Variants in PLEKHG1 observed in about 807,000 individuals in gnomAD.
PLEKHG1 encodes pleckstrin homology and RhoGEF domain containing G1, also known as pleckstrin homology domain-containing family G member 1.
PLEKHG1 carries 44 observed loss-of-function variants against 100.8 expected under a neutral mutation model. The observed-to-expected ratio is 0.44, with a 90% CI of 0.34 to 0.56. PLEKHG1 has a LOEUF of 0.56. Ranked by LOEUF, PLEKHG1 falls within the 20% of genes least tolerant of loss-of-function variation. The probability of loss-of-function intolerance (pLI) is 0.01; values close to 1 mark genes in which losing one functional copy is unlikely to be tolerated. For missense variants in PLEKHG1, 1,545 were observed against 1,720.9 expected, an observed-to-expected ratio of 0.90 and a Z score of 1.81; for synonymous variants, 640 against 662.5, an observed-to-expected ratio of 0.97 and a Z score of 0.52.
chr6:150,728,111 C>A (rs967103224), intron 1 of PLEKHG1, among the ~76,000 whole-genome samples: 3 of 152,106 alleles, frequency 2.0e-5, no homozygotes, highest in Admixed American at 6.6e-5. Context: ...GAGTAAAAAA[C>A]AAAAATGCAA....
At chr6:150,613,927 T>G (rs1776955389) in intron 1 of PLEKHG1, among the ~76,000 whole-genome samples, 1 of 152,202 alleles carries the variant, frequency 6.6e-6, no homozygotes, top group African/African-American at 2.4e-5. Context: ...TACCACACAA[T>G]TAACACCTCT....
rs1445340166 is a variant in PLEKHG1 at position 150,800,884 on chromosome 6, G to T, written c.780+15G>T. On this transcript the variant is annotated intron_variant, in intron 6 of 15. Transcript: ENST00000358517. ...TCCTTCTGCATGTAAGTTTCTGCCT[G>T]GCATGAGCACTTTCCAGGGGATGGG... 1 of 1,611,858 alleles carries T rather than the reference G, an allele frequency of 6.2e-7. No individual in the cohort carries two copies. The highest frequency in any genetic ancestry group is 2.2e-5 in the East Asian group (1 of 44,862).
chr6:150,710,724 T>C (rs79461920), intron 3 of PLEKHG1, among the ~76,000 whole-genome samples: 111 of 152,250 alleles, frequency 7.3e-4, no homozygotes, highest in African/African-American at 2.6e-3. Flanking sequence ...TCTCTGCGGA[T>C]ATAATGCCAG....
At chr6:150,801,437 C>CTT (rs35282307) in intron 6 of PLEKHG1, among the ~76,000 whole-genome samples, 13 of 108,786 alleles carry the variant, frequency 1.2e-4, no homozygotes, top group East Asian at 1.0e-3. Flanking sequence ...CTTTTCTTTT[C>CTT]TTTTTTTTTT....
At chr6:150,654,328 T>C (rs1778876000) in intron 3 of PLEKHG1, among the ~76,000 whole-genome samples, 1 of 152,212 alleles carries the variant, frequency 6.6e-6, no homozygotes, top group South Asian at 2.1e-4. Context: ...AGAAATGGTA[T>C]GTTTTCCAGC....
intron 1 of PLEKHG1, among the ~76,000 whole-genome samples, chr6:150,732,086 C>T (rs538385515): frequency 4.0e-5 from 6 of 151,844 alleles, no homozygotes; most frequent in Non-Finnish European, 7.4e-5. Flanking sequence ...CTCAGCCTCC[C>T]GAGTAGCTGG....
At chr6:150,671,521 A>C (rs1779581130) in intron 3 of PLEKHG1, among the ~76,000 whole-genome samples, 1 of 152,122 alleles carries the variant, frequency 6.6e-6, no homozygotes, top group Non-Finnish European at 1.5e-5. Context: ...TCACTTGCTC[A>C]CTCTGAGCCA....
At chr6:150,813,125 G>A (rs953906100) in intron 10 of PLEKHG1, among the ~76,000 whole-genome samples, 3 of 151,984 alleles carry the variant, frequency 2.0e-5, no homozygotes, top group Non-Finnish European at 4.4e-5. Flanking sequence ...CTAACACGGT[G>A]AAACCCCATC....
At chr6:150,838,393 G>C (rs1490670698) in intron 15 of PLEKHG1, among the ~76,000 whole-genome samples, 1 of 151,816 alleles carries the variant, frequency 6.6e-6, no homozygotes, top group African/African-American at 2.4e-5. Context: ...AAAACATTAA[G>C]GGTTTTTTTT....
intron 3 of PLEKHG1, among the ~76,000 whole-genome samples, chr6:150,703,885 C>G (rs1424077133): frequency 2.6e-5 from 4 of 152,112 alleles, no homozygotes; most frequent in Non-Finnish European, 5.9e-5. Flanking sequence ...TTTCATGTGG[C>G]ATTTTTACAT....
At chr6:150,807,550 A>T (rs2128668194) in intron 7 of PLEKHG1, among the ~76,000 whole-genome samples, 1 of 152,352 alleles carries the variant, frequency 6.6e-6, no homozygotes, top group Non-Finnish European at 1.5e-5. Flanking sequence ...ACTGATATTC[A>T]TATACAATAA....
chr6:150,659,634 G>T (rs2172329), intron 3 of PLEKHG1, among the ~76,000 whole-genome samples: 141,337 of 152,298 alleles, frequency 0.93, 65,716 homozygotes, highest in East Asian at 1. Flanking sequence ...AGACCTTATC[G>T]GTCCTTTTAA....
At chr6:150,775,069 T>G (rs1468375875) in intron 3 of PLEKHG1, among the ~76,000 whole-genome samples, 1 of 152,200 alleles carries the variant, frequency 6.6e-6, no homozygotes, top group African/African-American at 2.4e-5. Flanking sequence ...CAAATATCTC[T>G]TTCTCTTACA....
chr6:150,801,412 C>G (rs1385350378), intron 6 of PLEKHG1, among the ~76,000 whole-genome samples: 1 of 148,782 alleles, frequency 6.7e-6, no homozygotes, highest in African/African-American at 2.5e-5. Flanking sequence ...AATCATAGCT[C>G]TTAAATTCTT....
At chr6:150,742,109 A>G (rs762222495) in intron 2 of PLEKHG1, among the ~76,000 whole-genome samples, 4 of 152,236 alleles carry the variant, frequency 2.6e-5, no homozygotes, top group Admixed American at 6.5e-5. Context: ...GTGTTGCTAT[A>G]AAGAAATACC....
intron 2 of PLEKHG1, among the ~76,000 whole-genome samples, chr6:150,650,131 G>A (rs1210757731): frequency 6.6e-6 from 1 of 150,852 alleles, no homozygotes; most frequent in Non-Finnish European, 1.5e-5. Context: ...AATTTCACCA[G>A]ATGTAAGCCT....
intron 2 of PLEKHG1, among the ~76,000 whole-genome samples, chr6:150,753,239 T>A (rs1425461364): frequency 6.6e-6 from 1 of 152,178 alleles, no homozygotes; most frequent in African/African-American, 2.4e-5. Context: ...GAGAGTCTGC[T>A]GTTTCAAATG....
chr6:150,813,259 C>G (rs1170209198), intron 10 of PLEKHG1, among the ~76,000 whole-genome samples: 1 of 148,746 alleles, frequency 6.7e-6, no homozygotes, highest in African/African-American at 2.5e-5. Flanking sequence ...GAGCCGAGAT[C>G]ACGCCACTGC....
intron 6 of PLEKHG1, among the ~76,000 whole-genome samples, chr6:150,801,379 A>T (rs981884712): frequency 6.6e-6 from 1 of 152,062 alleles, no homozygotes; most frequent in African/African-American, 2.4e-5. Flanking sequence ...TGCAAAATGC[A>T]AGAAGGCTTT....
Sources: allele counts gnomAD v4.1 joint callset (sites outside exome capture counted in the v4.1 genomes callset), GRCh38; gene constraint gnomAD v4.1.1; transcripts MANE v1.5; gene names NCBI Gene and HGNC (gene_info 2026-07-23, HGNC 2026-07-21).